The following CFAP43 variants were observed in gnomAD, a reference collection of about 807,000 sequenced individuals.
The protein encoded by CFAP43 is cilia- and flagella-associated protein 43.
CFAP43 carries 155 observed loss-of-function variants against 218.9 expected under a neutral mutation model. The observed-to-expected ratio is 0.71, with a 90% CI of 0.62 to 0.81. The LOEUF is 0.81. Among genes scored for constraint, CFAP43 ranks in the 30% least tolerant of loss-of-function variants. The pLI is 0.00. For missense variants in CFAP43, 1,778 were observed against 1,954.3 expected (o/e 0.91, Z 1.70); for synonymous variants, 645 against 681.3 (o/e 0.95, Z 0.83).
chr10:104,215,136 A>AAAATAAATAAAT (rs34704967), intron 3 of CFAP43, among the ~76,000 whole-genome samples: 31 of 146,462 alleles, frequency 2.1e-4, no homozygotes, highest in Non-Finnish European at 2.4e-4. Context: ...CTCCATCTCA[A>AAAATAAATAAAT]AAATAAATAA....
rs760441978 is a variant in CFAP43 at position 104,194,010 on chromosome 10, G to A, written c.1298C>T (p.Thr433Met). The A allele has an allele frequency of 2.4e-5, 38 of 1,612,946 alleles. No individual in the cohort carries two copies. Among genetic ancestry groups the A allele is most frequent in the East Asian group, 1.1e-4 (5 of 44,890 alleles). Residue 433 changes from threonine to methionine, a missense_variant, in exon 11 of 38, where the codon ACG (threonine) becomes ATG (methionine). By Grantham distance (81) the Thr-to-Met change is moderately conservative. Transcript: ENST00000357060. Reference sequence around the variant, plus strand: ...GGAGGATGGACAGCAAGCCAGAACCGTTGCCTGTTTAAAATAAACCCCAGA... The same window carrying A: ...GGAGGATGGACAGCAAGCCAGAACCATTGCCTGTTTAAAATAAACCCCAGA... ...VSKIYLNTLATVLACCPSSLS... is the reference protein window; with the variant it reads ...VSKIYLNTLAMVLACCPSSLS...
rs757926235 is a variant in CFAP43, at chr10:104,130,107, T to C, written c.*32A>G. The C allele has an allele frequency of 3.2e-6, 5 of 1,539,456 alleles. No homozygotes were observed. The highest frequency in any genetic ancestry group is 4.3e-6 in the Non-Finnish European group (5 of 1,149,830). On this transcript the variant is annotated 3_prime_UTR_variant, in exon 38 of 38. Transcript: ENST00000357060. ...CAAATGAAATGATTTTTTAAATGAT[T>C]GATTTGGCCTTGTGTTTTCCTGCCA...
Position 104,167,602 on chromosome 10 carries a change from T to C in CFAP43, c.2808+19A>G, listed in dbSNP as rs774054531. On this transcript the variant is annotated intron_variant, in intron 22 of 37. Coordinates refer to ENST00000357060, the MANE Select transcript of CFAP43 (RefSeq NM_025145.7). ...AAAGCACATCACTTATATAAACACA[T>C]GTATATTTAAAATAGTACTTTAAGA... 10 of 1,563,922 alleles carry C rather than the reference T, an allele frequency of 6.4e-6. No individual in the cohort carries two copies. Among genetic ancestry groups the C allele is most frequent in the African/African-American group, 4.1e-5 (3 of 73,048 alleles).
At chr10:104,157,771 TGTGTGAGAGAGAGAGAGAGA>T (rs1209749716) in intron 27 of CFAP43, among the ~76,000 whole-genome samples, 3 of 106,036 alleles carry the variant, frequency 2.8e-5, no homozygotes, top group African/African-American at 1.2e-4. Flanking sequence ...TGTGTGTGTG[TGTGTGAGAGAGAGAGAGAGA>T]GAGAGAGAGA....
Position 104,187,246 on chromosome 10 carries a change from A to C in CFAP43, c.1860+74T>G, listed in dbSNP as rs556770531. On this transcript the variant is annotated intron_variant, in intron 14 of 37. Transcript: ENST00000357060. ...CTATTCTGTTAAAGTGGTCAAGAGG[A>C]TCACATCTAATCAGTATAATGTATC... The C allele has an allele frequency of 2.3e-5, 29 of 1,256,530 alleles. No individual in the cohort carries two copies. In the East Asian group the frequency reaches 7.4e-4, roughly 32 times the overall value. 77.8% of individuals were successfully genotyped at this position (1,256,530 alleles called of 1,614,324 possible).
intron 12 of CFAP43, among the ~76,000 whole-genome samples, chr10:104,191,473 G>A (rs1041548626): frequency 1.3e-5 from 2 of 151,724 alleles, no homozygotes; most frequent in African/African-American, 2.4e-5. Context: ...CCAATCCTCC[G>A]CACCCCCTGA....
chr10:104,137,233 A>G (rs2134738061), intron 34 of CFAP43, among the ~76,000 whole-genome samples: 1 of 152,370 alleles, frequency 6.6e-6, no homozygotes, highest in East Asian at 1.9e-4. Flanking sequence ...CCAGCTGATG[A>G]ATGGATAAAC....
intron 12 of CFAP43, among the ~76,000 whole-genome samples, chr10:104,188,792 C>T (rs997738135): frequency 6.6e-6 from 1 of 152,176 alleles, no homozygotes; most frequent in South Asian, 2.1e-4. Flanking sequence ...ACTTAGGCAT[C>T]GGCCTTCTTT....
At chr10:104,224,105 G>A (rs776121651) in intron 3 of CFAP43, among the ~76,000 whole-genome samples, 4 of 152,060 alleles carry the variant, frequency 2.6e-5, no homozygotes, top group Non-Finnish European at 5.9e-5. Flanking sequence ...GTGCAGTGGC[G>A]CAATCTCAGC....
In CFAP43 at chr10:104,186,468, C is replaced by T. The variant is rs536029258; in HGVS notation, c.1861-345G>A. ...TCAAAATAATGTAGTCAATATTCCC[C>T]GTATGTTTCATGCATTCCTACCTCC... On this transcript the variant is annotated intron_variant, in intron 14 of 37. Coordinates refer to ENST00000357060, the MANE Select transcript of CFAP43 (RefSeq NM_025145.7). 2.4e-4 allele frequency among the ~76,000 whole-genome samples: 37 copies of T among 152,188 alleles called. 1 individual carries two copies. The South Asian group carries it at 6.0e-3, about 25-fold the overall frequency.
At chr10:104,131,249 T>C in intron 37 of CFAP43, 82 bp downstream of exon 37, 1 of 1,482,026 alleles carries the variant, frequency 6.7e-7, no homozygotes, top group Non-Finnish European at 9.1e-7. Context: ...CTGATAGCTT[T>C]TTAACTGTTG....
chr10:104,231,324 C>A (rs2135023735), intron 1 of CFAP43, among the ~76,000 whole-genome samples: 1 of 152,188 alleles, frequency 6.6e-6, no homozygotes, highest in South Asian at 2.1e-4. Context: ...TGCTTATTTA[C>A]ACAGATGAAG....
In CFAP43 at chr10:104,193,884, G is replaced by T; in HGVS notation, c.1424C>A (p.Ser475Ter). The T allele has an allele frequency of 6.2e-7, 1 of 1,614,064 alleles. No homozygotes were observed. Among genetic ancestry groups the T allele is most frequent in the South Asian group, 1.1e-5 (1 of 91,070 alleles). ...QVVHKAFLSE[S>*]SVQHVVYDQQ... Reference sequence around the variant, plus strand: ...GACTTACACGACGTGCTGCACGGACGATTCCGAGAGAAAGGCCTTGTGCAC... The same window carrying T: ...GACTTACACGACGTGCTGCACGGACTATTCCGAGAGAAAGGCCTTGTGCAC... The change falls in exon 11 of 38, where the codon TCG (serine) becomes TAG (stop). Residue 475 changes from serine (S) to a stop codon, truncating the protein, a stop_gained. Coordinates refer to ENST00000357060, the MANE Select transcript of CFAP43 (RefSeq NM_025145.7). LOFTEE classifies it high-confidence loss of function.
At chr10:104,166,456 G>A (rs760037274) in intron 23 of CFAP43, 32 bp downstream of exon 23, 8 of 1,546,166 alleles carry the variant, frequency 5.2e-6, no homozygotes, top group Non-Finnish European at 7.1e-6. Flanking sequence ...GGAGTCTAGA[G>A]ATTTTTCAGG....
At chr10:104,150,648 T>A (rs2134773288) in intron 28 of CFAP43, among the ~76,000 whole-genome samples, 1 of 152,334 alleles carries the variant, frequency 6.6e-6, no homozygotes, top group South Asian at 2.1e-4. Context: ...AGCCCCCTGC[T>A]TTGGTCAGAC....
intron 7 of CFAP43, among the ~76,000 whole-genome samples, chr10:104,205,228 A>AG (rs1379763243): frequency 6.6e-6 from 1 of 150,952 alleles, no homozygotes; most frequent in Non-Finnish European, 1.5e-5. Context: ...AAAAAAAAAA[A>AG]AAAAAAAGAA....
chr10:104,224,044 AATTT>A (rs753689312), intron 3 of CFAP43, among the ~76,000 whole-genome samples: 3 of 152,008 alleles, frequency 2.0e-5, no homozygotes, highest in African/African-American at 7.2e-5. Context: ...GTGATGGATG[AATTT>A]ATTTATTTAT....
At chr10:104,167,263 C>A (rs1206572263) in intron 22 of CFAP43, among the ~76,000 whole-genome samples, 3 of 152,156 alleles carry the variant, frequency 2.0e-5, no homozygotes, top group Non-Finnish European at 2.9e-5. Context: ...AATTCTACTT[C>A]ATCCTTGATC....
At chr10:104,179,232 A>G in intron 18 of CFAP43, 126 bp from the exon 19 acceptor site, 1 of 721,850 alleles carries the variant, frequency 1.4e-6, no homozygotes, top group Non-Finnish European at 2.2e-6. Flanking sequence ...TATAAAGTGT[A>G]CATGAAGTAA....
Sources: allele counts gnomAD v4.1 joint callset (sites outside exome capture counted in the v4.1 genomes callset), GRCh38; gene constraint gnomAD v4.1.1; transcripts MANE v1.5; gene names NCBI Gene and HGNC (gene_info 2026-07-23, HGNC 2026-07-21).